Variants in GDAP1 observed in about 807,000 individuals in gnomAD.
GDAP1 encodes the protein ganglioside induced differentiation associated protein 1.
Under a neutral mutation model 40.1 loss-of-function variants are expected in GDAP1, and 34 were observed. The observed-to-expected ratio is 0.85, with a 90% CI of 0.64 to 1.13. GDAP1 has a LOEUF of 1.13. Among genes scored for constraint, GDAP1 ranks in the 50% most tolerant of loss-of-function variants. The pLI, the probability that GDAP1 is intolerant of heterozygous loss-of-function variation, is 0.00. For synonymous variants in GDAP1, 170 were observed against 157.4 expected, an observed-to-expected ratio of 1.08 and a Z score of -0.60; for missense variants, 374 against 433.7, an observed-to-expected ratio of 0.86 and a Z score of 1.22.
intron 2 of GDAP1, among the ~76,000 whole-genome samples, chr8:74,401,632 C>G (rs912487729): frequency 6.7e-6 from 1 of 149,812 alleles, no homozygotes; most frequent in Non-Finnish European, 1.5e-5. Flanking sequence ...AGGCGCTCTG[C>G]TTTTTAGAGT....
chr8:74,462,848 G>T (rs538771280), intron 2 of GDAP1, among the ~76,000 whole-genome samples: 1 of 151,848 alleles, frequency 6.6e-6, no homozygotes, highest in South Asian at 2.1e-4. Flanking sequence ...AGATTAGAAA[G>T]CATTTGAGTG....
chr8:74,441,166 G>A (rs1806157958), intron 2 of GDAP1, among the ~76,000 whole-genome samples: 1 of 152,098 alleles, frequency 6.6e-6, no homozygotes, highest in Non-Finnish European at 1.5e-5. Context: ...TGCTCAGTAG[G>A]TAGGGTGCTT....
chr8:74,417,478 G>GAA (rs1488179435), intron 2 of GDAP1, among the ~76,000 whole-genome samples: 1 of 150,232 alleles, frequency 6.7e-6, no homozygotes, highest in African/African-American at 2.5e-5. Context: ...TGTTAGTGTA[G>GAA]AAAATCCCAA....
chr8:74,435,607 G>C (rs950931917), intron 2 of GDAP1, among the ~76,000 whole-genome samples: 1 of 152,160 alleles, frequency 6.6e-6, no homozygotes, highest in African/African-American at 2.4e-5. Context: ...AGGATTCTGA[G>C]TTTTTAGAAA....
intron 2 of GDAP1, among the ~76,000 whole-genome samples, chr8:74,442,673 A>G (rs1322037322): frequency 6.6e-6 from 1 of 152,208 alleles, no homozygotes; most frequent in Non-Finnish European, 1.5e-5. Context: ...ATTATGACTG[A>G]AGTCTTTAAG....
At chr8:74,384,610 A>G (rs1809998826) in intron 2 of GDAP1, among the ~76,000 whole-genome samples, 1 of 152,230 alleles carries the variant, frequency 6.6e-6, no homozygotes, top group Admixed American at 6.5e-5. Flanking sequence ...ATGGATTTCA[A>G]GTTTACAGAG....
In GDAP1 at chr8:74,453,661, CAGG is replaced by C. The variant is rs1335000627; in HGVS notation, c.166-35014_166-35012del. ...CTCTCTTAGCAAGCCAAATTGAAAT[CAGG>C]AGATGTTTTAGTTCCAGGTTTGCTG... On this transcript the variant is annotated intron_variant, in intron 2 of 2. Transcript: ENST00000523640. Among the ~76,000 whole-genome samples the C allele has an allele frequency of 2.4e-5, 2 of 83,696 alleles. 1 individual carries two copies. The highest frequency in any genetic ancestry group is 1.0e-4 in the African/African-American group (2 of 19,110). 54.9% of individuals were successfully genotyped at this position (83,696 alleles called of 152,430 possible). A position where few individuals can be genotyped will look rare whatever the true frequency, so the allele number is the denominator to read the frequency against.
chr8:74,433,283 C>T (rs1806049658), intron 2 of GDAP1, among the ~76,000 whole-genome samples: 1 of 152,170 alleles, frequency 6.6e-6, no homozygotes, highest in African/African-American at 2.4e-5. Flanking sequence ...TACTGGTTTA[C>T]TCCTTGAATG....
chr8:74,446,700 T>A (rs1482969590), intron 2 of GDAP1, among the ~76,000 whole-genome samples: 1 of 152,200 alleles, frequency 6.6e-6, no homozygotes, highest in Non-Finnish European at 1.5e-5. Flanking sequence ...ATGTGGTAAA[T>A]TCATACAATG....
chr8:74,397,858 T>C (rs919820959), intron 2 of GDAP1, among the ~76,000 whole-genome samples: 1 of 151,090 alleles, frequency 6.6e-6, no homozygotes, highest in African/African-American at 2.4e-5. Flanking sequence ...TGGTTCCATA[T>C]GAACTTTAAA....
intron 2 of GDAP1, among the ~76,000 whole-genome samples, chr8:74,486,587 C>T (rs763424108): frequency 6.6e-6 from 1 of 152,160 alleles, no homozygotes; most frequent in African/African-American, 2.4e-5. Context: ...GAAAAGAGAA[C>T]GTACTGTTCT....
chr8:74,392,750 G>A (rs566103640), intron 2 of GDAP1, among the ~76,000 whole-genome samples: 23 of 152,132 alleles, frequency 1.5e-4, no homozygotes, highest in Non-Finnish European at 3.2e-4. Flanking sequence ...CATAGAGAGG[G>A]CAACACAAAT....
chr8:74,432,691 G>A (rs891571743), intron 2 of GDAP1, among the ~76,000 whole-genome samples: 1 of 152,096 alleles, frequency 6.6e-6, no homozygotes, highest in African/African-American at 2.4e-5. Context: ...CCATTTAATA[G>A]ATGGACTCGC....
chr8:74,393,227 G>A (rs1810139000), intron 2 of GDAP1, among the ~76,000 whole-genome samples: 1 of 152,124 alleles, frequency 6.6e-6, no homozygotes, highest in Non-Finnish European at 1.5e-5. Flanking sequence ...CTGGTAAAGA[G>A]ATTGACAAAA....
intron 2 of GDAP1, among the ~76,000 whole-genome samples, chr8:74,406,516 A>T (rs1204919060): frequency 6.7e-6 from 1 of 150,312 alleles, no homozygotes; most frequent in Non-Finnish European, 1.5e-5. Context: ...CCATTTACTT[A>T]TTACAAGAAA....
At chr8:74,464,135 G>T (rs1806437782) in intron 2 of GDAP1, among the ~76,000 whole-genome samples, 1 of 152,178 alleles carries the variant, frequency 6.6e-6, no homozygotes, top group Non-Finnish European at 1.5e-5. Context: ...AAAGAGAAAA[G>T]ACATGGAGAC....
At chr8:74,426,557 C>G (rs976340569) in intron 2 of GDAP1, among the ~76,000 whole-genome samples, 1 of 152,140 alleles carries the variant, frequency 6.6e-6, no homozygotes, top group Non-Finnish European at 1.5e-5. Context: ...TAGAACTGTT[C>G]CACGTTACTT....
intron 2 of GDAP1, among the ~76,000 whole-genome samples, chr8:74,391,199 G>T (rs1055949222): frequency 1.4e-5 from 2 of 148,146 alleles, no homozygotes; most frequent in Middle Eastern, 3.4e-3. Flanking sequence ...GTTCGGTCTC[G>T]CTGGCATTCC....
At chr8:74,399,400 C>T (rs2131547770) in intron 2 of GDAP1, among the ~76,000 whole-genome samples, 1 of 149,718 alleles carries the variant, frequency 6.7e-6, no homozygotes, top group South Asian at 2.1e-4. Flanking sequence ...GTGATATCCC[C>T]TTTATCATTT....
Sources: allele counts gnomAD v4.1 joint callset (sites outside exome capture counted in the v4.1 genomes callset), GRCh38; gene constraint gnomAD v4.1.1; transcripts MANE v1.5; gene names NCBI Gene and HGNC (gene_info 2026-07-23, HGNC 2026-07-21).